Variants in TUSC3 observed in about 807,000 individuals in gnomAD.
TUSC3 encodes the protein tumor suppressor candidate 3.
TUSC3 carries 45 observed loss-of-function variants against 44.8 expected under a neutral mutation model. The observed-to-expected ratio is 1.00, with a 90% CI of 0.79 to 1.29. The LOEUF (loss-of-function observed/expected upper bound fraction) is 1.29, where lower values mean the gene tolerates loss of function less well. Among genes scored for constraint, TUSC3 ranks in the 50% most tolerant of loss-of-function variants. TUSC3 has a pLI of 0.00. For missense variants in TUSC3, 519 were observed against 437.9 expected (o/e 1.19, Z -1.65); for synonymous variants, 212 against 152.9 (o/e 1.39, Z -2.85).
intron 2 of TUSC3, among the ~76,000 whole-genome samples, chr8:15,526,770 A>C (rs12550501): frequency 0.11 from 16,379 of 152,170 alleles, 1,177 homozygotes; most frequent in South Asian, 0.25. Context: ...TACAGAGTCC[A>C]CATATAAAAT....
intron 1 of TUSC3, among the ~76,000 whole-genome samples, chr8:15,620,757 G>A (rs1431920163): frequency 1.3e-5 from 2 of 152,082 alleles, no homozygotes; most frequent in Non-Finnish European, 2.9e-5. Flanking sequence ...CCTTGAAGAT[G>A]GGAAGCATGG....
At chr8:15,622,709 C>A (rs1324509069) in intron 1 of TUSC3, among the ~76,000 whole-genome samples, 3 of 152,026 alleles carry the variant, frequency 2.0e-5, no homozygotes, top group East Asian at 1.9e-4. Context: ...TTTCCTTTTG[C>A]TGTGATGTTT....
At chr8:15,512,862 A>G (rs1410098977) in intron 2 of TUSC3, among the ~76,000 whole-genome samples, 2 of 99,848 alleles carry the variant, frequency 2.0e-5, no homozygotes, top group Non-Finnish European at 3.7e-5. Flanking sequence ...GTGTGTATAT[A>G]TATGTGTGTG....
chr8:15,513,737 G>T (rs143541181), intron 2 of TUSC3, among the ~76,000 whole-genome samples: 57 of 152,172 alleles, frequency 3.7e-4, no homozygotes, highest in African/African-American at 1.3e-3. Context: ...GTCATAAGCA[G>T]CAGGTTGGCT....
the TUSC3 span, among the ~76,000 whole-genome samples, chr8:15,826,240 T>C: frequency 6.6e-6 from 1 of 152,148 alleles, no homozygotes; most frequent in Non-Finnish European, 1.5e-5. Flanking sequence ...AATTTTGAAA[T>C]TTATGGTACT....
intron 1 of TUSC3, among the ~76,000 whole-genome samples, chr8:15,601,309 C>T (rs1281857643): frequency 6.6e-6 from 1 of 151,656 alleles, no homozygotes; most frequent in African/African-American, 2.4e-5. Context: ...AAACCATTTC[C>T]TCAAACTGTT....
the TUSC3 span, among the ~76,000 whole-genome samples, chr8:15,839,932 G>A: frequency 1.1e-4 from 17 of 152,226 alleles, no homozygotes; most frequent in Admixed American, 2.6e-4. Context: ...GCACACATAC[G>A]TTTACTGTGG....
At chr8:15,842,571 G>C in the TUSC3 span, among the ~76,000 whole-genome samples, 5 of 152,242 alleles carry the variant, frequency 3.3e-5, no homozygotes, top group East Asian at 9.7e-4. Context: ...AAAATGATGA[G>C]GGCAGATATT....
chr8:15,524,022 C>T (rs528244335), intron 2 of TUSC3, among the ~76,000 whole-genome samples: 1 of 147,556 alleles, frequency 6.8e-6, no homozygotes, highest in African/African-American at 2.5e-5. Context: ...CGCCACTGCA[C>T]TCCAGCTTGG....
chr8:15,587,746 C>T (rs1379487134), intron 1 of TUSC3, among the ~76,000 whole-genome samples: 1 of 152,060 alleles, frequency 6.6e-6, no homozygotes, highest in Non-Finnish European at 1.5e-5. Flanking sequence ...TTCACAGCCT[C>T]TAATAACCAT....
At chr8:15,849,751 T>C in the TUSC3 span, among the ~76,000 whole-genome samples, 12 of 152,176 alleles carry the variant, frequency 7.9e-5, no homozygotes, top group Non-Finnish European at 1.6e-4. Context: ...GACAATGCTT[T>C]CTGCCCAAGC....
At chr8:15,639,955 T>C (rs34497236) in intron 2 of TUSC3, among the ~76,000 whole-genome samples, 28,097 of 152,130 alleles carry the variant, frequency 0.18, 2,586 homozygotes, top group South Asian at 0.26. Context: ...CATGTGCCCA[T>C]GCAGAAGAGA....
intron 2 of TUSC3, among the ~76,000 whole-genome samples, chr8:15,647,457 A>G (rs1806684937): frequency 1.3e-5 from 2 of 152,058 alleles, no homozygotes; most frequent in Middle Eastern, 3.4e-3. Flanking sequence ...AATATGTTCT[A>G]GCTGTTTCTG....
At chr8:15,739,891 T>A (rs1811114486) in intron 7 of TUSC3, among the ~76,000 whole-genome samples, 1 of 149,026 alleles carries the variant, frequency 6.7e-6, no homozygotes, top group South Asian at 2.1e-4. Context: ...GAGCAAGTTG[T>A]TTAAACTTCT....
chr8:15,454,266 T>C (rs750289054), intron 1 of TUSC3, among the ~76,000 whole-genome samples: 1 of 152,176 alleles, frequency 6.6e-6, no homozygotes, highest in Admixed American at 6.5e-5. Context: ...TTTACTCCAT[T>C]TTATTCCTGA....
chr8:15,608,024 C>G (rs1378439847), intron 1 of TUSC3, among the ~76,000 whole-genome samples: 1 of 152,112 alleles, frequency 6.6e-6, no homozygotes, highest in Non-Finnish European at 1.5e-5. Context: ...CTTAGCAAAC[C>G]AGAATGGTGA....
intron 1 of TUSC3, among the ~76,000 whole-genome samples, chr8:15,467,336 C>G (rs977742379): frequency 2.0e-5 from 3 of 150,996 alleles, no homozygotes; most frequent in Non-Finnish European, 4.4e-5. Flanking sequence ...CACAATAATC[C>G]TCCTACATCT....
intron 5 of TUSC3, among the ~76,000 whole-genome samples, chr8:15,671,068 T>C (rs6530893): frequency 0.14 from 21,001 of 151,850 alleles, 3,057 homozygotes; most frequent in African/African-American, 0.37. Flanking sequence ...CAAGTGGATC[T>C]CTCGTGTACT....
At chr8:15,806,512 A>G in the TUSC3 span, 1 of 1,161,316 alleles carries the variant, frequency 8.6e-7, no homozygotes, top group Admixed American at 1.7e-5. Context: ...TCTCAGGGTC[A>G]TCAGTGACTT....
Sources: gnomAD v4.1 joint callset for allele counts (sites outside exome capture counted in the v4.1 genomes callset) on GRCh38, gnomAD v4.1.1 for gene constraint, MANE v1.5 for transcripts, NCBI Gene and HGNC (gene_info 2026-07-23, HGNC 2026-07-21) for gene names.